ZBTB40: variants seen among roughly 807,000 people sequenced by gnomAD.
ZBTB40 encodes the protein zinc finger and BTB domain-containing protein 40.
In ZBTB40, 60 loss-of-function variants were observed where a neutral mutation model predicts 117.5. The ratio of observed to expected loss-of-function variants is 0.51; its 90% confidence interval spans 0.41 to 0.63. ZBTB40 has a LOEUF of 0.63. ZBTB40 is among the 30% of genes least tolerant of loss of function. The pLI, the probability that ZBTB40 is intolerant of heterozygous loss-of-function variation, is 0.00. For missense variants in ZBTB40, 1,287 were observed against 1,498.5 expected (o/e 0.86, Z 2.33); for synonymous variants, 525 against 577.1 (o/e 0.91, Z 1.29).
At chr1:22,429,250 C>T (rs1640544919) in intron 1 of ZBTB40, among the ~76,000 whole-genome samples, 1 of 151,968 alleles carries the variant, frequency 6.6e-6, no homozygotes, top group Admixed American at 6.6e-5. Flanking sequence ...GGCGTGGTGG[C>T]GGGCGCCTGT....
chr1:22,437,421 C>A (rs1159805520), intron 1 of ZBTB40, among the ~76,000 whole-genome samples: 1 of 150,098 alleles, frequency 6.7e-6, no homozygotes, highest in Non-Finnish European at 1.5e-5. Context: ...TAAAACTTAT[C>A]ATCTTTTTTT....
intron 1 of ZBTB40, among the ~76,000 whole-genome samples, chr1:22,441,051 T>G (rs1049252645): frequency 6.6e-6 from 1 of 152,134 alleles, no homozygotes; most frequent in Non-Finnish European, 1.5e-5. Flanking sequence ...TGAAAATAAT[T>G]GGTATTAGTT....
chr1:22,480,335 A>C (rs1255331027), intron 1 of ZBTB40, among the ~76,000 whole-genome samples: 2 of 152,148 alleles, frequency 1.3e-5, no homozygotes, highest in Admixed American at 6.5e-5. Context: ...CTATACAGTC[A>C]AATTTATTTT....
rs1002572150 is a variant in ZBTB40 at position 22,530,700 on chromosome 1, A to G, written c.*4304A>G. The G allele has an allele frequency of 2.6e-5, 4 of 152,338 alleles. No homozygotes were observed. The highest frequency in any genetic ancestry group is 5.9e-5 in the Non-Finnish European group (4 of 68,038). 9.4% of individuals were successfully genotyped at this position (152,338 alleles called of 1,614,324 possible). ...TATGTACTTTGAAAAAAATTAGGCT[A>G]CATGAGTTTCAAATGGACTGTGATG... On this transcript the variant is annotated 3_prime_UTR_variant, in exon 18 of 18. Transcript: ENST00000375647.
At chr1:22,480,511 G>A (rs760484897) in intron 1 of ZBTB40, among the ~76,000 whole-genome samples, 5 of 152,050 alleles carry the variant, frequency 3.3e-5, no homozygotes, top group African/African-American at 4.8e-5. Context: ...TGTTGTTGTT[G>A]TTGTCGTTTT....
At position 22,517,296 on chromosome 1, in the gene ZBTB40, G is replaced by T. The variant is rs770814125; in HGVS notation, c.2669-4G>T. 6.2e-7 allele frequency: 1 copy of T among 1,613,978 alleles called. No individual in the cohort carries two copies. The highest frequency in any genetic ancestry group is 8.5e-7 in the Non-Finnish European group (1 of 1,180,022). On this transcript the variant is annotated splice_region_variant and splice_polypyrimidine_tract_variant and intron_variant, in intron 12 of 17. Transcript: ENST00000375647. ...GACTCTAATAAGCTCCTGTGTATTT[G>T]CAGGGAAAATGTATGCATGCCAGTA...
intron 13 of ZBTB40, among the ~76,000 whole-genome samples, chr1:22,517,864 A>G (rs1222831970): frequency 6.6e-6 from 1 of 152,144 alleles, no homozygotes; most frequent in Non-Finnish European, 1.5e-5. Context: ...AATGTCTACC[A>G]TCGTAAGTGA....
chr1:22,517,357 C>T lies in ZBTB40; in HGVS notation c.2726C>T (p.Ser909Phe), dbSNP rs1215639265. ...DAVFAQSIEL[S>F]RHVRTHTGDK... ...GTGTTTGCCCAGTCTATTGAGCTGT[C>T]CCGCCACGTGAGGACCCACACCGGG... is the stretch of plus-strand genomic sequence containing the variant. Residue 909 changes from serine (S) to phenylalanine (F), a missense_variant, in exon 13 of 18, where the codon TCC (serine) becomes TTC (phenylalanine). Coordinates refer to ENST00000375647, the MANE Select transcript of ZBTB40 (RefSeq NM_014870.4). 2.5e-6 allele frequency: 4 copies of T among 1,614,168 alleles called. No individual in the cohort carries two copies. Among genetic ancestry groups the T allele is most frequent in the Non-Finnish European group, 3.4e-6 (4 of 1,180,034 alleles).
intron 1 of ZBTB40, among the ~76,000 whole-genome samples, chr1:22,472,373 C>CG (rs1337914071): frequency 6.6e-6 from 1 of 151,792 alleles, no homozygotes; most frequent in Non-Finnish European, 1.5e-5. Flanking sequence ...CTTGTAGAGA[C>CG]GGGGGTCTTG....
chr1:22,435,906 TAA>T (rs78821662), intron 1 of ZBTB40, among the ~76,000 whole-genome samples: 82 of 144,656 alleles, frequency 5.7e-4, no homozygotes, highest in Non-Finnish European at 6.2e-4. Context: ...CCATCTTTAC[TAA>T]AAAAAAAAAA....
chr1:22,519,982 C>G lies in ZBTB40; in HGVS notation c.2834-79C>G, dbSNP rs1371861950. The G allele has an allele frequency of 2.4e-6, 3 of 1,260,928 alleles. No individual in the cohort carries two copies. In the African/African-American group the frequency reaches 4.4e-5, roughly 19 times the overall value. The allele number at this position is 1,260,928 out of a possible 1,614,324, so 78.1% of individuals were successfully genotyped here. A position where few individuals can be genotyped will look rare whatever the true frequency, so the allele number is the denominator to read the frequency against. On this transcript the variant is annotated intron_variant, in intron 13 of 17. Coordinates refer to ENST00000375647, the MANE Select transcript of ZBTB40 (RefSeq NM_014870.4). ...CACATTTGTTGCTGTACACAACAAC[C>G]AGTGTTTCACTGATGGCTGCCTATG...
In ZBTB40 at chr1:22,530,232, C is replaced by T. The variant is rs1639794317; in HGVS notation, c.*3836C>T. ...GTCCTCCCCAAGGGTGAGTTCAGCA[C>T]CCCAGCCCTGTTCTGCTTGTATCCC... On this transcript the variant is annotated 3_prime_UTR_variant, in exon 18 of 18. Transcript: ENST00000375647. The T allele has an allele frequency of 6.6e-6, 1 of 152,102 alleles. No homozygotes were observed. 9.4% of individuals were successfully genotyped at this position (152,102 alleles called of 1,614,324 possible). A position where few individuals can be genotyped will look rare whatever the true frequency, so the allele number is the denominator to read the frequency against.
In ZBTB40 at chr1:22,513,828, A is replaced by G. The variant is rs1400641460; in HGVS notation, c.2668+698A>G. Among the ~76,000 whole-genome samples, 2 of 152,258 alleles carry G rather than the reference A, an allele frequency of 1.3e-5. No homozygotes were observed. The highest frequency in any genetic ancestry group is 4.8e-5 in the African/African-American group (2 of 41,472). On this transcript the variant is annotated intron_variant, in intron 12 of 17. Coordinates refer to ENST00000375647, the MANE Select transcript of ZBTB40 (RefSeq NM_014870.4). The surrounding 1 kb of genome is among the most constrained non-coding windows in gnomAD (Gnocchi z 4.9). Reference sequence around the variant, plus strand: ...GGAGAGCTTCTGAAAGAGACTGGCTAACCTCCTATGACTTTATATTAGGTC... The same window carrying G: ...GGAGAGCTTCTGAAAGAGACTGGCTGACCTCCTATGACTTTATATTAGGTC...
At chr1:22,452,560 T>G (rs1259716982) in intron 1 of ZBTB40, 1 of 152,232 alleles carries the variant, frequency 6.6e-6, no homozygotes, top group East Asian at 1.9e-4. Context: ...ATGGCTGCTT[T>G]CCTGCCAAGA....
chr1:22,468,465 CTTTTTTTTT>C (rs555995462), intron 1 of ZBTB40, among the ~76,000 whole-genome samples: 2 of 51,708 alleles, frequency 3.9e-5, no homozygotes, highest in African/African-American at 1.2e-4. Context: ...TTAATGTTTC[CTTTTTTTTT>C]TTTTTTTTTT....
intron 2 of ZBTB40, 137 bp from the exon 3 acceptor site, chr1:22,491,263 G>A (rs1638623830): frequency 1.2e-6 from 1 of 861,622 alleles, no homozygotes; most frequent in Admixed American, 2.2e-5. Flanking sequence ...ACTGTTGTCT[G>A]TTATTCATAA....
intron 6 of ZBTB40, 44 bp from the exon 7 acceptor site, chr1:22,507,957 G>T (rs1639118238): frequency 1.2e-6 from 2 of 1,613,952 alleles, no homozygotes; most frequent in African/African-American, 1.3e-5. Context: ...TCTGTAGGAG[G>T]TTTTGTTGCA....
At chr1:22,521,165 T>C (rs1639513463) in intron 14 of ZBTB40, among the ~76,000 whole-genome samples, 1 of 152,230 alleles carries the variant, frequency 6.6e-6, no homozygotes, top group African/African-American at 2.4e-5. Context: ...TCTCCTGATG[T>C]TATGATTAGT....
intron 1 of ZBTB40, among the ~76,000 whole-genome samples, chr1:22,462,938 A>C (rs1641165040): frequency 6.6e-6 from 1 of 152,248 alleles, no homozygotes; most frequent in African/African-American, 2.4e-5. Context: ...AATGATAAAA[A>C]GCAAATACTT....
Sources: allele counts gnomAD v4.1 joint callset (sites outside exome capture counted in the v4.1 genomes callset), GRCh38; gene constraint gnomAD v4.1.1; non-coding constraint Gnocchi (gnomAD v3.1); transcripts MANE v1.5; gene names NCBI Gene and HGNC (gene_info 2026-07-23, HGNC 2026-07-21).